The following DBT variants were observed in gnomAD, a reference collection of about 807,000 sequenced individuals.
The protein encoded by DBT is dihydrolipoamide branched chain transacylase E2, also known as lipoamide acyltransferase component of branched-chain alpha-keto acid dehydrogenase complex, mitochondrial.
In DBT, 40 loss-of-function variants were observed where a neutral mutation model predicts 51.3. The ratio of observed to expected loss-of-function variants is 0.78; its 90% CI spans 0.61 to 1.02. The LOEUF is 1.02. Among genes scored for constraint, DBT ranks in the 50% least tolerant of loss-of-function variants. The pLI is 0.00. For synonymous variants in DBT, 181 were observed against 190.4 expected (o/e 0.95, Z 0.41); for missense variants, 510 against 580.2 (o/e 0.88, Z 1.24).
intron 1 of DBT, among the ~76,000 whole-genome samples, chr1:100,244,112 C>CT (rs36009006): frequency 2.7e-5 from 4 of 147,020 alleles, no homozygotes; most frequent in African/African-American, 1.0e-4. Context: ...GTCTGGTGGG[C>CT]TTTTTTTTCA....
At chr1:100,217,672 G>A (rs1285666374) in intron 5 of DBT, among the ~76,000 whole-genome samples, 2 of 152,132 alleles carry the variant, frequency 1.3e-5, no homozygotes, top group Admixed American at 6.6e-5. Context: ...GTCTCATTGT[G>A]GGGCACAGTG....
Position 100,247,579 on chromosome 1 carries a change from G to C in DBT, c.51+2191C>G, listed in dbSNP as rs540205477. On this transcript the variant is annotated intron_variant, in intron 1 of 10. Coordinates refer to ENST00000370132, the MANE Select transcript of DBT (RefSeq NM_001918.5). ...CCAGGCATGGTGGTTCGCGCCTGTA[G>C]TGCCAGCTACTTGGGAGGCTGAGGC... 9.1e-4 allele frequency among the ~76,000 whole-genome samples: 138 copies of C among 151,562 alleles called. 2 individuals carry two copies. The South Asian group carries it at 0.028, about 30-fold the overall frequency.
At chr1:100,210,633 A>G (rs1283257105) in intron 8 of DBT, 61 bp downstream of exon 8, 6 of 1,608,160 alleles carry the variant, frequency 3.7e-6, no homozygotes, top group Admixed American at 3.4e-5. Flanking sequence ...TCTCTAATCT[A>G]CAAGCACATT....
At chr1:100,226,798 C>T (rs1434853132) in intron 4 of DBT, among the ~76,000 whole-genome samples, 1 of 152,132 alleles carries the variant, frequency 6.6e-6, no homozygotes, top group African/African-American at 2.4e-5. Context: ...GTTAACAGGA[C>T]AATGTTAATA....
At position 100,187,141 on chromosome 1, in the gene DBT, T is replaced by C. The variant is rs940140900; in HGVS notation, c.*9114A>G. On this transcript the variant is annotated 3_prime_UTR_variant, in exon 11 of 11. Transcript: ENST00000370132. ...TCCCATTGTGTAAAGATAGTTCTCA[T>C]ATGAAATATATCACCTAAGCAGTAG... 4.6e-5 allele frequency: 7 copies of C among 152,220 alleles called. No homozygotes were observed. Among genetic ancestry groups the C allele is most frequent in the Admixed American group, 1.3e-4 (2 of 15,274 alleles). The allele number at this position is 152,220 out of a possible 1,614,324, so 9.4% of individuals were successfully genotyped here.
At position 100,206,253 on chromosome 1, in the gene DBT, T is replaced by C. The variant is rs398123659; in HGVS notation, c.1258A>G (p.Ile420Val). 6.2e-7 allele frequency: 1 copy of C among 1,611,336 alleles called. No homozygotes were observed. The highest frequency in any genetic ancestry group is 8.5e-7 in the Non-Finnish European group (1 of 1,178,486). ...ACCTTAATTGATCCAAGGGCCCCAA[T>C]GGCTACTTCAGGTGGCATTATCACT... ...KPVIMPPEVA[I>V]GALGSIKAIP... The change falls in exon 10 of 11, where the codon ATT becomes GTT. Residue 420 changes from isoleucine to valine, a missense_variant. Physicochemically the swap from Ile to Val is conservative, Grantham distance 29. Coordinates refer to ENST00000370132, the MANE Select transcript of DBT (RefSeq NM_001918.5).
chr1:100,235,844 G>A (rs1048385846), intron 2 of DBT, among the ~76,000 whole-genome samples: 7 of 152,060 alleles, frequency 4.6e-5, no homozygotes, highest in African/African-American at 1.7e-4. Flanking sequence ...ATAGAACAAA[G>A]ATATACAAAG....
chr1:100,236,402 G>A (rs1237755807), intron 2 of DBT, among the ~76,000 whole-genome samples: 1 of 152,172 alleles, frequency 6.6e-6, no homozygotes, highest in Non-Finnish European at 1.5e-5. Flanking sequence ...ATTCAGGAAT[G>A]CTCCTGTATC....
chr1:100,214,203 T>A (rs963696486), intron 7 of DBT, among the ~76,000 whole-genome samples: 4 of 152,192 alleles, frequency 2.6e-5, no homozygotes, highest in African/African-American at 9.7e-5. Flanking sequence ...AAAATTAATA[T>A]CAAGTCTCAT....
chr1:100,211,611 G>GAA (rs1470676350), intron 7 of DBT, among the ~76,000 whole-genome samples: 1 of 151,900 alleles, frequency 6.6e-6, no homozygotes, highest in East Asian at 1.9e-4. Context: ...GTCTTGATGG[G>GAA]AAAAAAATCA....
intron 7 of DBT, among the ~76,000 whole-genome samples, chr1:100,212,823 G>A (rs1662235396): frequency 6.6e-6 from 1 of 152,204 alleles, no homozygotes; most frequent in Non-Finnish European, 1.5e-5. Flanking sequence ...CTTAATATGA[G>A]GGAGTGAGGT....
At chr1:100,219,482 G>A (rs1662710993) in intron 4 of DBT, among the ~76,000 whole-genome samples, 1 of 152,202 alleles carries the variant, frequency 6.6e-6, no homozygotes, top group South Asian at 2.1e-4. Context: ...GCTCATGCCT[G>A]TAATCCTAAC....
intron 10 of DBT, chr1:100,196,972 G>T: frequency 4.7e-6 from 1 of 211,160 alleles, no homozygotes; most frequent in South Asian, 9.2e-5. Context: ...ACCTTGATCA[G>T]GCCCGGAGAG....
chr1:100,240,620 T>C lies in DBT; in HGVS notation c.175+141A>G, dbSNP rs564846728. 10 of 715,606 alleles carry C rather than the reference T, an allele frequency of 1.4e-5. No homozygotes were observed. In the South Asian group the frequency reaches 1.6e-4, roughly 12 times the overall value. 44.3% of individuals were successfully genotyped at this position (715,606 alleles called of 1,614,324 possible). A position where few individuals can be genotyped will look rare whatever the true frequency, so the allele number is the denominator to read the frequency against. Reference sequence around the variant, plus strand: ...AAAAAGAAAGTGAGAACTGGAAAAATGTGGGGAGATGGGAAGGGCCCGGCT... The same window carrying C: ...AAAAAGAAAGTGAGAACTGGAAAAACGTGGGGAGATGGGAAGGGCCCGGCT... On this transcript the variant is annotated intron_variant, in intron 2 of 10. Coordinates refer to ENST00000370132, the MANE Select transcript of DBT (RefSeq NM_001918.5).
chr1:100,215,070 G>A (rs1407882748), intron 6 of DBT, 87 bp from the exon 7 acceptor site: 5 of 938,608 alleles, frequency 5.3e-6, no homozygotes, highest in Admixed American at 2.2e-5. Context: ...TAAAATGGAA[G>A]GTTCTCTAAT....
intron 10 of DBT, 28 bp downstream of exon 10, chr1:100,206,202 C>A (rs747391562): frequency 1.3e-6 from 2 of 1,544,746 alleles, no homozygotes; most frequent in African/African-American, 2.7e-5. Flanking sequence ...TGCTTAAACT[C>A]CATTTTTCAG....
In DBT at chr1:100,187,403, C is replaced by T. The variant is rs1344635490; in HGVS notation, c.*8852G>A. On this transcript the variant is annotated 3_prime_UTR_variant, in exon 11 of 11. Coordinates refer to ENST00000370132, the MANE Select transcript of DBT (RefSeq NM_001918.5). ...ATCCCACTTTTATTTTTATGCACTA[C>T]TTTTAGTTCTGCAGAAATAAAAGCT... The T allele has an allele frequency of 6.6e-6, 1 of 152,216 alleles. No homozygotes were observed. Among genetic ancestry groups the T allele is most frequent in the African/African-American group, 2.4e-5 (1 of 41,456 alleles). 9.4% of individuals were successfully genotyped at this position (152,216 alleles called of 1,614,324 possible).
chr1:100,196,554 T>C (rs1340773825), intron 10 of DBT, 132 bp from the exon 11 acceptor site: 1 of 1,358,994 alleles, frequency 7.4e-7, no homozygotes, highest in Non-Finnish European at 9.8e-7. Flanking sequence ...CAGAAAAAAA[T>C]GGGCATCCCC....
rs1247296227 is a variant in DBT at position 100,190,132 on chromosome 1, A to AAAACAATAAAAGTGTATTATTC, written c.*6101_*6122dup. 5 of 145,420 alleles carry AAAACAATAAAAGTGTATTATTC rather than the reference A, an allele frequency of 3.4e-5. No individual in the cohort carries two copies. Among genetic ancestry groups the AAAACAATAAAAGTGTATTATTC allele is most frequent in the African/African-American group, 1.2e-4 (5 of 41,254 alleles). The allele number at this position is 145,420 out of a possible 1,614,324, so 9.0% of individuals were successfully genotyped here. Reference sequence around the variant, plus strand: ...ATTAATCTCAAAATATTAATGTCTTAAAACAATAAAAGTGTATTATTCAAC... The same window carrying AAAACAATAAAAGTGTATTATTC: ...ATTAATCTCAAAATATTAATGTCTTAAAACAATAAAAGTGTATTATTCAAACAATAAAAGTGTATTATTCAAC... On this transcript the variant is annotated 3_prime_UTR_variant, in exon 11 of 11. Coordinates refer to ENST00000370132, the MANE Select transcript of DBT (RefSeq NM_001918.5).
Sources: allele counts gnomAD v4.1 joint callset (sites outside exome capture counted in the v4.1 genomes callset), GRCh38; gene constraint gnomAD v4.1.1; transcripts MANE v1.5; gene names NCBI Gene and HGNC (gene_info 2026-07-23, HGNC 2026-07-21).